The following ABI3BP variants were observed in gnomAD, a reference collection of about 807,000 sequenced individuals.
ABI3BP encodes ABI family member 3 binding protein.
A neutral mutation model predicts 268.6 loss-of-function variants in ABI3BP; 216 were observed. The ratio of observed to expected loss-of-function variants is 0.80; its 90% CI spans 0.72 to 0.90. The LOEUF (loss-of-function observed/expected upper bound fraction) is 0.90, where lower values mean the gene tolerates loss of function less well. ABI3BP is among the 40% of genes least tolerant of loss of function. ABI3BP has a pLI of 0.00. For synonymous variants in ABI3BP, 730 were observed against 730.0 expected, an observed-to-expected ratio of 1.00 and a Z score of 0.00; for missense variants, 2,090 against 2,182.4, an observed-to-expected ratio of 0.96 and a Z score of 0.84.
intron 54 of ABI3BP, among the ~76,000 whole-genome samples, chr3:100,794,337 T>C (rs1278576156): frequency 6.6e-6 from 1 of 151,968 alleles, no homozygotes; most frequent in Non-Finnish European, 1.5e-5. Flanking sequence ...AATTTTCTAA[T>C]CTGTAAAATG....
Position 100,830,505 on chromosome 3 carries a change from T to C in ABI3BP, c.2458+73A>G, listed in dbSNP as rs1479561807. The C allele has an allele frequency of 3.1e-6, 4 of 1,273,412 alleles. No individual in the cohort carries two copies. The African/African-American group carries it at 4.5e-5, about 14-fold the overall frequency. The allele number at this position is 1,273,412 out of a possible 1,614,324, so 78.9% of individuals were successfully genotyped here. ...AAGCCTTGTGAAGCGGGAGAAGCTGTGGTTATGATGGTGATGAATGGGTTT... is the reference window on the plus strand; with the variant it reads ...AAGCCTTGTGAAGCGGGAGAAGCTGCGGTTATGATGGTGATGAATGGGTTT... On this transcript the variant is annotated intron_variant, in intron 32 of 67. Transcript: ENST00000471714.
chr3:100,768,313 C>A (rs980345797), intron 62 of ABI3BP, among the ~76,000 whole-genome samples: 25 of 152,138 alleles, frequency 1.6e-4, no homozygotes, highest in African/African-American at 6.0e-4. Flanking sequence ...TGATCTTGAT[C>A]TCCTGACCTC....
chr3:100,831,235 C>T (rs1417634381), intron 31 of ABI3BP, among the ~76,000 whole-genome samples: 1 of 151,850 alleles, frequency 6.6e-6, no homozygotes, highest in Non-Finnish European at 1.5e-5. Context: ...GGTGCATGTG[C>T]TGGGGGTGTG....
chr3:100,982,991 T>G (rs749083612), intron 1 of ABI3BP, among the ~76,000 whole-genome samples: 1 of 152,168 alleles, frequency 6.6e-6, no homozygotes, highest in African/African-American at 2.4e-5. Flanking sequence ...AATCCGCTGC[T>G]CTCAGAGAAG....
intron 41 of ABI3BP, 30 bp from the exon 42 acceptor site, chr3:100,817,525 A>G: frequency 7.3e-7 from 1 of 1,366,928 alleles, no homozygotes; most frequent in Non-Finnish European, 9.8e-7. Context: ...TAAAGCAAAA[A>G]GATTTAACTT....
chr3:100,987,897 A>G (rs547310915), intron 1 of ABI3BP, among the ~76,000 whole-genome samples: 33 of 152,370 alleles, frequency 2.2e-4, no homozygotes, highest in Middle Eastern at 3.4e-3. Context: ...TTAATAATTG[A>G]TAGACAAACA....
At chr3:100,914,211 C>A (rs2057797993) in intron 2 of ABI3BP, among the ~76,000 whole-genome samples, 1 of 151,906 alleles carries the variant, frequency 6.6e-6, no homozygotes, top group Non-Finnish European at 1.5e-5. Context: ...TGAAAAATAA[C>A]TGGAGAGCAA....
intron 1 of ABI3BP, among the ~76,000 whole-genome samples, chr3:100,968,741 C>G (rs1044794454): frequency 2.6e-5 from 4 of 151,974 alleles, no homozygotes; most frequent in African/African-American, 9.7e-5. Flanking sequence ...GCAGAACGTG[C>G]GGGTTTGTTA....
intron 2 of ABI3BP, among the ~76,000 whole-genome samples, chr3:100,904,296 T>C (rs1230735061): frequency 6.6e-6 from 1 of 152,188 alleles, no homozygotes; most frequent in Non-Finnish European, 1.5e-5. Flanking sequence ...TTTAAGGTCC[T>C]GCTGTCACCA....
intron 1 of ABI3BP, among the ~76,000 whole-genome samples, chr3:100,939,618 C>T (rs1228989363): frequency 6.6e-6 from 1 of 152,010 alleles, no homozygotes; most frequent in Non-Finnish European, 1.5e-5. Flanking sequence ...AAGTACTTTA[C>T]AAGGTAATAG....
chr3:100,792,994 C>G (rs1213539149), intron 54 of ABI3BP, among the ~76,000 whole-genome samples: 3 of 151,714 alleles, frequency 2.0e-5, no homozygotes, highest in Non-Finnish European at 4.4e-5. Flanking sequence ...ATAAGGATTT[C>G]CAAAAGCTTT....
intron 23 of ABI3BP, among the ~76,000 whole-genome samples, 154 bp downstream of exon 23, chr3:100,839,918 A>G (rs1177790601): frequency 1.3e-5 from 2 of 152,178 alleles, no homozygotes; most frequent in Non-Finnish European, 2.9e-5. Flanking sequence ...AATATTACAT[A>G]TATAAAATGA....
At position 100,851,868 on chromosome 3, in the gene ABI3BP, G is replaced by T; in HGVS notation, c.1351+7C>A. The T allele has an allele frequency of 6.3e-7, 1 of 1,585,476 alleles. No homozygotes were observed. The highest frequency in any genetic ancestry group is 8.6e-7 in the Non-Finnish European group (1 of 1,166,614). On this transcript the variant is annotated splice_region_variant and intron_variant, in intron 15 of 67. Transcript: ENST00000471714. ...ATCCAAAGACAGAATTGAGAGGCCA[G>T]ATATACCTGTGTAGGAATCTGATAT...
At chr3:100,774,490 CTTATTA>C (rs2096645383) in intron 61 of ABI3BP, 109 bp downstream of exon 61, 1 of 767,352 alleles carries the variant, frequency 1.3e-6, no homozygotes, top group African/African-American at 1.8e-5. Context: ...AAAATAAAAC[CTTATTA>C]TTATAATAGG....
At chr3:100,881,179 GA>G (rs1484317846) in intron 6 of ABI3BP, among the ~76,000 whole-genome samples, 1 of 152,182 alleles carries the variant, frequency 6.6e-6, no homozygotes, top group Non-Finnish European at 1.5e-5. Flanking sequence ...TGCCTACACA[GA>G]AATTTTTCAA....
chr3:100,958,002 A>G (rs1349421894), intron 1 of ABI3BP, among the ~76,000 whole-genome samples: 7 of 152,184 alleles, frequency 4.6e-5, no homozygotes, highest in Non-Finnish European at 8.8e-5. Context: ...CTCATGAGGT[A>G]AGAGAAAAGA....
chr3:100,790,144 T>C (rs2097159117), intron 55 of ABI3BP, among the ~76,000 whole-genome samples: 1 of 151,992 alleles, frequency 6.6e-6, no homozygotes, highest in Non-Finnish European at 1.5e-5. Flanking sequence ...AGATAATCCC[T>C]GGGCCAATTA....
intron 6 of ABI3BP, among the ~76,000 whole-genome samples, chr3:100,878,443 CA>C (rs2099186749): frequency 6.6e-6 from 1 of 152,166 alleles, no homozygotes; most frequent in Admixed American, 6.5e-5. Context: ...TTTTAATCAA[CA>C]ATCTGTTTAG....
At chr3:100,856,332 T>G (rs1040258254) in intron 14 of ABI3BP, among the ~76,000 whole-genome samples, 4 of 152,226 alleles carry the variant, frequency 2.6e-5, no homozygotes, top group African/African-American at 7.2e-5. Context: ...CAATTTACTC[T>G]ACTTCTACAA....
Sources: allele counts gnomAD v4.1 joint callset (sites outside exome capture counted in the v4.1 genomes callset), GRCh38; gene constraint gnomAD v4.1.1; transcripts MANE v1.5; gene names NCBI Gene and HGNC (gene_info 2026-07-23, HGNC 2026-07-21).